The following CTNNA2 variants were observed in gnomAD, a reference collection of about 807,000 sequenced individuals.
CTNNA2 encodes catenin alpha-2.
A neutral mutation model predicts 101.0 loss-of-function variants in CTNNA2; 42 were observed. The observed-to-expected ratio is 0.42, with a 90% CI of 0.32 to 0.54. The LOEUF is 0.54. Ranked by LOEUF, CTNNA2 falls within the 20% of genes least tolerant of loss-of-function variation. CTNNA2 has a pLI of 0.14. For missense variants in CTNNA2, 871 were observed against 1,223.1 expected (o/e 0.71, Z 4.29); for synonymous variants, 450 against 456.4 (o/e 0.99, Z 0.18).
At chr2:80,167,716 A>G (rs1250899255) in intron 7 of CTNNA2, among the ~76,000 whole-genome samples, 53 of 152,166 alleles carry the variant, frequency 3.5e-4, no homozygotes, top group Non-Finnish European at 4.4e-5. Context: ...CATATTCAGA[A>G]TTTGTCTTGA....
At chr2:80,323,314 G>A (rs12104725) in intron 7 of CTNNA2, among the ~76,000 whole-genome samples, 7,878 of 152,236 alleles carry the variant, frequency 0.052, 392 homozygotes, top group African/African-American at 0.12. Context: ...GTCTCCCTAG[G>A]TGGTTCTGAT....
intron 1 of CTNNA2, chr2:79,633,930 G>A (rs1232508601): frequency 6.6e-6 from 1 of 152,146 alleles, no homozygotes; most frequent in Non-Finnish European, 1.5e-5. Flanking sequence ...ATAAGCCCTA[G>A]CTAATCATAA....
At chr2:79,412,652 A>G (rs1256411760) in intron 4 of CTNNA2, among the ~76,000 whole-genome samples, 2 of 152,118 alleles carry the variant, frequency 1.3e-5, no homozygotes, top group African/African-American at 4.8e-5. Context: ...ACTACTGGGT[A>G]CATAACGAAA....
At chr2:79,858,745 A>G (rs998342962) in intron 4 of CTNNA2, among the ~76,000 whole-genome samples, 4 of 152,106 alleles carry the variant, frequency 2.6e-5, no homozygotes, top group Non-Finnish European at 4.4e-5. Context: ...GGCATCTAAC[A>G]TACCTGGATT....
Position 80,621,804 on chromosome 2 carries a change from A to G in CTNNA2, c.2574+2576A>G, listed in dbSNP as rs185178996. ...TGCTCCTGAATTTGAGGAATGTGCAACCTCTTTGAGGAGTCTGTACATGTG... is the reference window on the plus strand; with the variant it reads ...TGCTCCTGAATTTGAGGAATGTGCAGCCTCTTTGAGGAGTCTGTACATGTG... On this transcript the variant is annotated intron_variant, in intron 18 of 18. Coordinates refer to ENST00000402739, the MANE Select transcript of CTNNA2 (RefSeq NM_001282597.3). 1.4e-3 allele frequency among the ~76,000 whole-genome samples: 215 copies of G among 151,980 alleles called. 2 individuals are homozygous for G. Among genetic ancestry groups the G allele is most frequent in the African/African-American group, 4.8e-3 (199 of 41,494 alleles).
chr2:79,379,477 T>A (rs2104461799), intron 4 of CTNNA2, among the ~76,000 whole-genome samples: 1 of 152,342 alleles, frequency 6.6e-6, no homozygotes, highest in African/African-American at 2.4e-5. Context: ...TCATACTGCA[T>A]ACCTTTCCCT....
At chr2:80,240,630 GA>G (rs1256960134) in intron 7 of CTNNA2, among the ~76,000 whole-genome samples, 4 of 151,732 alleles carry the variant, frequency 2.6e-5, no homozygotes, top group Non-Finnish European at 5.9e-5. Flanking sequence ...ATAACCCCGG[GA>G]AAAAAATTCT....
At chr2:80,251,674 G>A (rs1671779621) in intron 7 of CTNNA2, among the ~76,000 whole-genome samples, 1 of 152,114 alleles carries the variant, frequency 6.6e-6, no homozygotes, top group Admixed American at 6.6e-5. Flanking sequence ...TTGGATGATT[G>A]CTCATTTCTG....
intron 2 of CTNNA2, among the ~76,000 whole-genome samples, chr2:79,259,137 C>T (rs2104283917): frequency 6.6e-6 from 1 of 152,122 alleles, no homozygotes; most frequent in Middle Eastern, 3.4e-3. Flanking sequence ...TCAGGGAGCC[C>T]AGTATTTTAT....
chr2:79,673,673 A>G (rs957554175), intron 2 of CTNNA2, among the ~76,000 whole-genome samples: 1 of 152,170 alleles, frequency 6.6e-6, no homozygotes, highest in Non-Finnish European at 1.5e-5. Flanking sequence ...CTCTTGTTTT[A>G]TCTTAATATT....
intron 7 of CTNNA2, among the ~76,000 whole-genome samples, chr2:80,024,689 C>T (rs1011033715): frequency 3.3e-5 from 5 of 152,144 alleles, no homozygotes; most frequent in Non-Finnish European, 7.4e-5. Context: ...TTGCAATGCT[C>T]TTTTAGCTCT....
At chr2:80,251,493 G>A (rs563088479) in intron 7 of CTNNA2, among the ~76,000 whole-genome samples, 1 of 152,062 alleles carries the variant, frequency 6.6e-6, no homozygotes, top group Non-Finnish European at 1.5e-5. Flanking sequence ...CTTAAACTGT[G>A]TAATGAAAAA....
At chr2:79,367,378 C>T (rs900935059) in intron 3 of CTNNA2, among the ~76,000 whole-genome samples, 1 of 152,272 alleles carries the variant, frequency 6.6e-6, no homozygotes, top group East Asian at 1.9e-4. Flanking sequence ...GAGAAAAGAA[C>T]ACGCAAATAA....
chr2:80,282,102 C>A (rs1176565513), intron 7 of CTNNA2, among the ~76,000 whole-genome samples: 1 of 152,044 alleles, frequency 6.6e-6, no homozygotes, highest in Non-Finnish European at 1.5e-5. Flanking sequence ...TTCTGGGAGT[C>A]TTCTATCAGC....
chr2:80,261,263 A>G (rs2149123219), intron 7 of CTNNA2, among the ~76,000 whole-genome samples: 1 of 152,202 alleles, frequency 6.6e-6, no homozygotes, highest in Admixed American at 6.5e-5. Flanking sequence ...ATGTCAGTTC[A>G]AATTTTGCTG....
intron 4 of CTNNA2, among the ~76,000 whole-genome samples, chr2:79,482,158 G>A (rs181221917): frequency 1.1e-4 from 17 of 152,158 alleles, no homozygotes; most frequent in East Asian, 1.9e-4. Flanking sequence ...TTCAGTTGAC[G>A]GTTCATAACA....
chr2:80,431,673 C>A (rs1024318225), intron 9 of CTNNA2, among the ~76,000 whole-genome samples: 2 of 152,132 alleles, frequency 1.3e-5, no homozygotes, highest in East Asian at 3.9e-4. Flanking sequence ...CAATATGGAA[C>A]CCATCACTCC....
intron 1 of CTNNA2, among the ~76,000 whole-genome samples, chr2:79,530,029 A>G (rs1672644533): frequency 1.3e-5 from 2 of 152,028 alleles, no homozygotes; most frequent in African/African-American, 4.8e-5. Flanking sequence ...AACTGGTCAG[A>G]TCAGCAGCTA....
At chr2:79,962,481 A>G (rs1689712095) in intron 7 of CTNNA2, among the ~76,000 whole-genome samples, 1 of 152,214 alleles carries the variant, frequency 6.6e-6, no homozygotes, top group African/African-American at 2.4e-5. Flanking sequence ...TGCATTTATC[A>G]TCTTTTATTT....
Sources: allele counts gnomAD v4.1 joint callset (sites outside exome capture counted in the v4.1 genomes callset), GRCh38; gene constraint gnomAD v4.1.1; transcripts MANE v1.5; gene names NCBI Gene and HGNC (gene_info 2026-07-23, HGNC 2026-07-21).